Variants in PRH1 observed in about 807,000 individuals in gnomAD.
PRH1 encodes the protein salivary acidic proline-rich phosphoprotein 1/2.
In PRH1, 7 loss-of-function variants were observed where a neutral mutation model predicts 7.9. The observed-to-expected ratio is 0.89, with a 90% CI of 0.50 to 1.67. PRH1 has a LOEUF of 1.67. PRH1 is among the 40% of genes most tolerant of loss of function. The pLI is 0.00. For missense variants in PRH1, 109 were observed against 223.6 expected, an observed-to-expected ratio of 0.49 and a Z score of 3.27; for synonymous variants, 45 against 80.8, an observed-to-expected ratio of 0.56 and a Z score of 2.38.
intron 1 of PRH1, among the ~76,000 whole-genome samples, chr12:11,041,184 A>AC (rs1353596606): frequency 4.0e-5 from 6 of 151,512 alleles, no homozygotes; most frequent in Non-Finnish European, 5.9e-5. Flanking sequence ...ACAAAACAAA[A>AC]AAAAACTCCA....
At chr12:10,985,337 A>C (rs1407527370) in intron 1 of PRH1, among the ~76,000 whole-genome samples, 1 of 151,998 alleles carries the variant, frequency 6.6e-6, no homozygotes, top group African/African-American at 2.4e-5. Context: ...GTCATCCTTG[A>C]ATATTATTCT....
intron 1 of PRH1, chr12:11,031,290 G>C: frequency 6.2e-7 from 1 of 1,603,454 alleles, no homozygotes; most frequent in Non-Finnish European, 8.5e-7. Context: ...ATAACAAATA[G>C]AACCACTACC....
intron 1 of PRH1, among the ~76,000 whole-genome samples, chr12:11,067,053 T>C (rs1943851294): frequency 6.6e-6 from 1 of 152,002 alleles, no homozygotes; most frequent in African/African-American, 2.4e-5. Flanking sequence ...GCAAGCCAAA[T>C]TCTTGCAAGC....
chr12:11,007,663 T>C (rs1329909345), intron 1 of PRH1, among the ~76,000 whole-genome samples: 1 of 152,110 alleles, frequency 6.6e-6, no homozygotes, highest in East Asian at 1.9e-4. Flanking sequence ...TTTGATGAAC[T>C]GGAAATTAGT....
rs191959666 is a variant in PRH1, at chr12:11,082,345, C to A, written n.124-35157G>T. 5.0e-3 allele frequency among the ~76,000 whole-genome samples: 570 copies of A among 114,568 alleles called. 204 individuals carry two copies. Among genetic ancestry groups the A allele is most frequent in the East Asian group, 1.3e-3 (6 of 4,720 alleles). 75.2% of individuals were successfully genotyped at this position (114,568 alleles called of 152,430 possible). A position where few individuals can be genotyped will look rare whatever the true frequency, so the allele number is the denominator to read the frequency against. On this transcript the variant is annotated intron_variant and non_coding_transcript_variant, in intron 1 of 4. Coordinates refer to the PRH1 transcript ENST00000541977. Reference sequence around the variant, plus strand: ...TCGAGATGGAAATTCTCTCTTGTCACCCAGTCTGGAGTTCAATGGCACAAT... The same window carrying A: ...TCGAGATGGAAATTCTCTCTTGTCAACCAGTCTGGAGTTCAATGGCACAAT...
At chr12:11,057,154 G>T (rs1484986610) in intron 1 of PRH1, among the ~76,000 whole-genome samples, 1 of 152,130 alleles carries the variant, frequency 6.6e-6, no homozygotes, top group Non-Finnish European at 1.5e-5. Flanking sequence ...CTATAGGCAT[G>T]CAGCACCACG....
At chr12:10,881,987 T>C (rs1409387811) in intron 3 of PRH1, among the ~76,000 whole-genome samples, 2 of 152,150 alleles carry the variant, frequency 1.3e-5, no homozygotes, top group African/African-American at 2.4e-5. Flanking sequence ...ACTTAAGACA[T>C]GTAATTTGAA....
At chr12:11,134,589 T>C (rs1727464325) in intron 1 of PRH1, 2 of 239,198 alleles carry the variant, frequency 8.4e-6, no homozygotes, top group Non-Finnish European at 1.6e-5. Flanking sequence ...ACATGTTCAC[T>C]TCCAGTGTTT....
intron 1 of PRH1, among the ~76,000 whole-genome samples, chr12:11,168,341 A>AAGGAAGGAAGGG (rs1947684754): frequency 1.6e-5 from 1 of 62,768 alleles, no homozygotes; most frequent in Non-Finnish European, 3.8e-5. Flanking sequence ...GGAAGGAAGG[A>AAGGAAGGAAGGG]AGGGAAAGAA....
intron 2 of PRH1, among the ~76,000 whole-genome samples, chr12:10,907,405 A>G (rs1454160192): frequency 6.6e-6 from 1 of 152,152 alleles, no homozygotes; most frequent in African/African-American, 2.4e-5. Context: ...ACTCAGGAAC[A>G]CTGCTCAGGA....
At chr12:11,009,110 T>C (rs1565545067) in intron 1 of PRH1, among the ~76,000 whole-genome samples, 1 of 151,940 alleles carries the variant, frequency 6.6e-6, no homozygotes, top group Non-Finnish European at 1.5e-5. Context: ...TTTTATTCCT[T>C]CTTGCATGCT....
intron 1 of PRH1, among the ~76,000 whole-genome samples, chr12:11,003,575 T>G (rs900555267): frequency 6.6e-6 from 1 of 151,818 alleles, no homozygotes; most frequent in Non-Finnish European, 1.5e-5. Context: ...TTATTTCAAA[T>G]TATAAGAATT....
intron 2 of PRH1, among the ~76,000 whole-genome samples, chr12:10,896,328 A>C (rs1949644210): frequency 6.6e-6 from 1 of 152,198 alleles, no homozygotes; most frequent in South Asian, 2.1e-4. Context: ...ATATAGAAAA[A>C]TGCAGTATAT....
chr12:10,984,780 T>C (rs1024090713), intron 1 of PRH1, among the ~76,000 whole-genome samples: 23 of 152,054 alleles, frequency 1.5e-4, no homozygotes, highest in East Asian at 1.2e-3. Context: ...ATAATAGAAC[T>C]TGCTATTACT....
At chr12:11,078,296 A>G in intron 1 of PRH1, 2 of 210,144 alleles carry the variant, frequency 9.5e-6, no homozygotes, top group Middle Eastern at 1.4e-3. Flanking sequence ...TGGTTCTGAT[A>G]CCCTTAATAT....
intron 1 of PRH1, 149 bp downstream of exon 1, chr12:10,884,005 G>T: frequency 1.1e-6 from 1 of 894,924 alleles, no homozygotes; most frequent in Non-Finnish European, 1.7e-6. Flanking sequence ...GAGGAATGGA[G>T]GTACAATAGA....
At chr12:10,956,551 T>A (rs2135924687) in intron 2 of PRH1, among the ~76,000 whole-genome samples, 1 of 152,022 alleles carries the variant, frequency 6.6e-6, no homozygotes, top group South Asian at 2.1e-4. Flanking sequence ...TATTCAACAG[T>A]ACTGGAAGTC....
chr12:10,970,647 C>A (rs1813375924), intron 2 of PRH1, among the ~76,000 whole-genome samples: 1 of 151,880 alleles, frequency 6.6e-6, no homozygotes, highest in Non-Finnish European at 1.5e-5. Flanking sequence ...CCACTACAAC[C>A]TCCGCCTCCC....
intron 1 of PRH1, among the ~76,000 whole-genome samples, chr12:11,017,144 C>G (rs1029518233): frequency 6.6e-6 from 1 of 152,274 alleles, no homozygotes; most frequent in Non-Finnish European, 1.5e-5. Flanking sequence ...TTATTTTACA[C>G]CCATGGGTGG....
Sources: allele counts gnomAD v4.1 joint callset (sites outside exome capture counted in the v4.1 genomes callset), GRCh38; gene constraint gnomAD v4.1.1; transcripts MANE v1.5; gene names NCBI Gene and HGNC (gene_info 2026-07-23, HGNC 2026-07-21).